GADD45G: variants seen among roughly 807,000 people sequenced by gnomAD.
The protein encoded by GADD45G is growth arrest and DNA damage inducible gamma, also known as growth arrest and DNA damage-inducible protein GADD45 gamma.
Under a neutral mutation model 17.3 loss-of-function variants are expected in GADD45G, and 7 were observed. The ratio of observed to expected loss-of-function variants is 0.41; its 90% CI spans 0.23 to 0.76. The LOEUF (loss-of-function observed/expected upper bound fraction) is 0.76. Ranked by LOEUF, GADD45G falls within the 30% of genes least tolerant of loss-of-function variation. The probability of loss-of-function intolerance (pLI) is 0.34; values close to 1 mark genes in which losing one functional copy is unlikely to be tolerated. For missense variants in GADD45G, 149 were observed against 219.2 expected (o/e 0.68, Z 2.02); for synonymous variants, 93 against 94.9 (o/e 0.98, Z 0.12).
In GADD45G at chr9:89,606,375, C is replaced by G. The variant is rs892294937; in HGVS notation, c.*296C>G. 1.1e-5 allele frequency: 5 copies of G among 456,072 alleles called. No individual in the cohort carries two copies. Among genetic ancestry groups the G allele is most frequent in the Non-Finnish European group, 2.0e-5 (5 of 252,302 alleles). 28.3% of individuals were successfully genotyped at this position (456,072 alleles called of 1,614,324 possible). The stretch of plus-strand genomic sequence containing the variant: ...AGGAAGGACAGACTGGCCGGGCAGG[C>G]GTGACTCAGCAGCCTGCGCTCGGCA... On this transcript the variant is annotated 3_prime_UTR_variant, in exon 4 of 4. Transcript: ENST00000252506.
At position 89,605,016 on chromosome 9, in the gene GADD45G, T is replaced by G. The variant is rs1588253024; in HGVS notation, c.-106T>G. 4 of 883,452 alleles carry G rather than the reference T, an allele frequency of 4.5e-6. No homozygotes were observed. The East Asian group carries it at 7.9e-5, about 17-fold the overall frequency. 54.7% of individuals were successfully genotyped at this position (883,452 alleles called of 1,614,324 possible). ...GGCGCGCAGCGTAGTAGGGGCGCACTCGCTGGTGGTGGGCGCGCCGTGCTG... is the reference window on the plus strand; with the variant it reads ...GGCGCGCAGCGTAGTAGGGGCGCACGCGCTGGTGGTGGGCGCGCCGTGCTG... On this transcript the variant is annotated 5_prime_UTR_variant, in exon 1 of 4. Coordinates refer to ENST00000252506, the MANE Select transcript of GADD45G (RefSeq NM_006705.4).
Position 89,606,157 on chromosome 9 carries a change from G to T in GADD45G, c.*78G>T. On this transcript the variant is annotated 3_prime_UTR_variant, in exon 4 of 4. Transcript: ENST00000252506. ...AGAGCGCGGCTGGCTCTGTGGAGGGGCCCTCCGAGGGTGCCCGAGTGCGGC... is the reference window on the plus strand; with the variant it reads ...AGAGCGCGGCTGGCTCTGTGGAGGGTCCCTCCGAGGGTGCCCGAGTGCGGC... The T allele has an allele frequency of 9.1e-7, 1 of 1,104,694 alleles. No homozygotes were observed. The highest frequency in any genetic ancestry group is 1.3e-6 in the Non-Finnish European group (1 of 743,148). The allele number at this position is 1,104,694 out of a possible 1,614,324, so 68.4% of individuals were successfully genotyped here.
rs769464900 is a variant in GADD45G at position 89,605,215 on chromosome 9, G to A, written c.53+41G>A. 8.2e-6 allele frequency: 13 copies of A among 1,580,200 alleles called. 1 individual carries two copies. Among genetic ancestry groups the A allele is most frequent in the Middle Eastern group, 3.3e-4 (2 of 5,988 alleles). Reference sequence around the variant, plus strand: ...CTGAGAAAGCCGCTGGTCGGTCGGCGACCGTCAGGGTTTTCCAGGGTGGGA... The same window carrying A: ...CTGAGAAAGCCGCTGGTCGGTCGGCAACCGTCAGGGTTTTCCAGGGTGGGA... On this transcript the variant is annotated intron_variant, in intron 1 of 3. Coordinates refer to ENST00000252506, the MANE Select transcript of GADD45G (RefSeq NM_006705.4).
chr9:89,605,246 C>A, intron 1 of GADD45G, 72 bp downstream of exon 1: 1 of 1,432,724 alleles, frequency 7.0e-7, no homozygotes, highest in Non-Finnish European at 9.8e-7. Flanking sequence ...TGGGAATCCG[C>A]GGGGTAGGAG....
chr9:89,605,260 A>G (rs1466157340), intron 1 of GADD45G, 86 bp downstream of exon 1: 19 of 1,267,644 alleles, frequency 1.5e-5, no homozygotes, highest in Non-Finnish European at 1.9e-5. Context: ...GTAGGAGGGG[A>G]GCGCGGGGGT....
chr9:89,605,597 G>A (rs1315112151), intron 2 of GADD45G, 64 bp downstream of exon 2: 1 of 1,569,976 alleles, frequency 6.4e-7, no homozygotes, highest in Non-Finnish European at 8.7e-7. Flanking sequence ...GAGACTGGCG[G>A]ATGGGAGGGG....
rs1346544074 is a variant in GADD45G at position 89,605,994 on chromosome 9, A to G, written c.395A>G (p.Asp132Gly). 2 of 1,613,612 alleles carry G rather than the reference A, an allele frequency of 1.2e-6. No homozygotes were observed. Among genetic ancestry groups the G allele is most frequent in the Admixed American group, 1.7e-5 (1 of 59,968 alleles). ...ISNPNEDAWK[D>G]PALEKLSLFC... ...AACCCCAACGAGGACGCCTGGAAGG[A>G]TCCCGCCTTGGAGAAGCTCAGCCTG... The change falls in exon 4 of 4, where the codon GAT (aspartate) becomes GGT (glycine). Residue 132 changes from aspartate (D) to glycine (G), a missense_variant. This residue lies in a region of GADD45G where 73 missense variants were observed against 84.3 expected (regional missense o/e 0.87). Transcript: ENST00000252506.
chr9:89,605,136 A>C lies in GADD45G; in HGVS notation c.15A>C (p.Glu5Asp). The C allele has an allele frequency of 6.2e-7, 1 of 1,613,920 alleles. No homozygotes were observed. The highest frequency in any genetic ancestry group is 8.5e-7 in the Non-Finnish European group (1 of 1,179,828). MTLEEVRGQDTVPES... is the reference protein window; with the variant it reads MTLEDVRGQDTVPES... ...TTGATCGCACTATGACTCTGGAAGAAGTCCGCGGCCAGGACACAGTTCCGG... is the reference window on the plus strand; with the variant it reads ...TTGATCGCACTATGACTCTGGAAGACGTCCGCGGCCAGGACACAGTTCCGG... The change falls in exon 1 of 4, where the codon GAA (glutamate) becomes GAC (aspartate). Residue 5 changes from glutamate (E) to aspartate (D), a missense_variant. Physicochemically the swap from Glu to Asp is conservative, Grantham distance 45 (BLOSUM62 2). This residue lies in a region of GADD45G where 37 missense variants were observed against 34.9 expected (regional missense o/e 1.06). Transcript: ENST00000252506.
chr9:89,605,625 G>T, intron 2 of GADD45G, 42 bp from the exon 3 acceptor site: 2 of 1,588,994 alleles, frequency 1.3e-6, no homozygotes, highest in Admixed American at 3.5e-5. Context: ...GGGAGAACTC[G>T]GCTAGCCGGT....
intron 3 of GADD45G, 34 bp downstream of exon 3, chr9:89,605,914 G>A: frequency 6.3e-7 from 1 of 1,589,586 alleles, no homozygotes; most frequent in Non-Finnish European, 8.6e-7. Context: ...CCGCCCCAGT[G>A]TCGTTCCCGC....
In GADD45G at chr9:89,606,305, C is replaced by T; in HGVS notation, c.*226C>T. On this transcript the variant is annotated 3_prime_UTR_variant, in exon 4 of 4. Transcript: ENST00000252506. ...AGGACTCTGCAAGTGTCTGGAGCGG[C>T]TGCTCGCCCAGGAAGGCCTAGGCTA... 1.7e-6 allele frequency: 1 copy of T among 579,140 alleles called. No individual in the cohort carries two copies. 35.9% of individuals were successfully genotyped at this position (579,140 alleles called of 1,614,324 possible).
rs1301215530 is a variant in GADD45G, at chr9:89,606,049, C to A, written c.450C>A (p.Asp150Glu). ...GCGAGGAGAGCCGCAGCGTTAACGACTGGGTGCCCAGCATCACCCTCCCCG... is the reference window on the plus strand; with the variant it reads ...GCGAGGAGAGCCGCAGCGTTAACGAATGGGTGCCCAGCATCACCCTCCCCG... The part of the protein sequence containing the change: ...LFCEESRSVN[D>E]WVPSITLPE Residue 150 changes from aspartate (D) to glutamate (E), a missense_variant, in exon 4 of 4, where the codon GAC becomes GAA. Asp to Glu is a conservative substitution (Grantham distance 45, BLOSUM62 2). Transcript: ENST00000252506. The A allele has an allele frequency of 1.2e-6, 2 of 1,612,784 alleles. No homozygotes were observed. Among genetic ancestry groups the A allele is most frequent in the South Asian group, 1.1e-5 (1 of 90,860 alleles).
chr9:89,606,037 C>G lies in GADD45G; in HGVS notation c.438C>G (p.Arg146=). 6.2e-7 allele frequency: 1 copy of G among 1,613,538 alleles called. No individual in the cohort carries two copies. Residue 146 remains arginine (R), a synonymous_variant, in exon 4 of 4, where the codon CGC becomes CGG. Transcript: ENST00000252506. ...TCAGCCTGTTTTGCGAGGAGAGCCG[C>G]AGCGTTAACGACTGGGTGCCCAGCA... is the stretch of plus-strand genomic sequence containing the variant. ...EKLSLFCEES[R]SVNDWVPSIT... is the part of the protein sequence containing the mutation.
chr9:89,605,440 G>A lies in GADD45G; in HGVS notation c.62G>A (p.Gly21Asp). The A allele has an allele frequency of 1.3e-6, 2 of 1,553,782 alleles. No homozygotes were observed. The highest frequency in any genetic ancestry group is 1.7e-6 in the Non-Finnish European group (2 of 1,148,880). ...TVPESTARMQGAGKALHELLL... is the reference protein window; with the variant it reads ...TVPESTARMQDAGKALHELLL... ...CGCTGGCTCCTCCGCAGGATGCAGG[G>A]TGCCGGGAAAGCGCTGCATGAGTTG... Residue 21 changes from glycine to aspartate, a missense_variant, in exon 2 of 4, where the codon GGT (glycine) becomes GAT (aspartate). Physicochemically the swap from Gly to Asp is moderately conservative, Grantham distance 94. Around this residue, in one of 3 missense-constraint regions of GADD45G, gnomAD observed 37 missense variants for 34.9 expected, o/e 1.06. Coordinates refer to ENST00000252506, the MANE Select transcript of GADD45G (RefSeq NM_006705.4).
intron 2 of GADD45G, 38 bp downstream of exon 2, chr9:89,605,571 G>A (rs772824250): frequency 6.4e-7 from 1 of 1,552,202 alleles, no homozygotes. Context: ...AGACAGGGGC[G>A]GGGGTGAATG....
chr9:89,606,404 A>G lies in GADD45G; in HGVS notation c.*325A>G, dbSNP rs1047173181. ...ACTCAGCAGCCTGCGCTCGGCAGGA[A>G]GGAGCGGCGCCCTGGACTTGGTACA... On this transcript the variant is annotated 3_prime_UTR_variant, in exon 4 of 4. Transcript: ENST00000252506. The G allele has an allele frequency of 1.2e-5, 5 of 406,136 alleles. 1 individual carries two copies. Among genetic ancestry groups the G allele is most frequent in the South Asian group, 6.6e-5 (2 of 30,390 alleles). The allele number at this position is 406,136 out of a possible 1,614,324, so 25.2% of individuals were successfully genotyped here. A position where few individuals can be genotyped will look rare whatever the true frequency, so the allele number is the denominator to read the frequency against.
At chr9:89,605,341 G>A (rs1827503485) in intron 1 of GADD45G, 91 bp from the exon 2 acceptor site, 1 of 1,111,676 alleles carries the variant, frequency 9.0e-7, no homozygotes, top group Non-Finnish European at 1.3e-6. Context: ...GGTTGGAGTT[G>A]GGGAGCCAAG....
chr9:89,605,039 C>A lies in GADD45G; in HGVS notation c.-83C>A. 1 of 1,112,820 alleles carries A rather than the reference C, an allele frequency of 9.0e-7. No homozygotes were observed. The allele number at this position is 1,112,820 out of a possible 1,614,324, so 68.9% of individuals were successfully genotyped here. ...ACTCGCTGGTGGTGGGCGCGCCGTG[C>A]TGAGCTCTGGCTGTCAGTGTGTTCG... is the stretch of plus-strand genomic sequence containing the variant. On this transcript the variant is annotated 5_prime_UTR_variant, in exon 1 of 4. The change creates a new upstream start codon in the 5' untranslated region. Coordinates refer to ENST00000252506, the MANE Select transcript of GADD45G (RefSeq NM_006705.4).
rs1827497112 is a variant in GADD45G, at chr9:89,605,055, A to G, written c.-67A>G. On this transcript the variant is annotated 5_prime_UTR_variant, in exon 1 of 4. Transcript: ENST00000252506. ...CGCGCCGTGCTGAGCTCTGGCTGTCAGTGTGTTCGCCCGCGTCCCCTCCGC... is the reference window on the plus strand; with the variant it reads ...CGCGCCGTGCTGAGCTCTGGCTGTCGGTGTGTTCGCCCGCGTCCCCTCCGC... 1 of 1,251,058 alleles carries G rather than the reference A, an allele frequency of 8.0e-7. No homozygotes were observed. The highest frequency in any genetic ancestry group is 1.5e-5 in the African/African-American group (1 of 67,930). The allele number at this position is 1,251,058 out of a possible 1,614,324, so 77.5% of individuals were successfully genotyped here.
Sources: gnomAD v4.1 joint callset for allele counts on GRCh38, gnomAD v4.1.1 for gene constraint, gnomAD v4.1.1 regional missense constraint, MANE v1.5 for transcripts, NCBI Gene and HGNC (gene_info 2026-07-23, HGNC 2026-07-21) for gene names.